Variants in DNAJC24 observed in about 807,000 individuals in gnomAD.
DNAJC24 encodes dnaJ homolog subfamily C member 24.
Under a neutral mutation model 18.0 loss-of-function variants are expected in DNAJC24, and 17 were observed. The observed-to-expected ratio is 0.94, with a 90% confidence interval of 0.65 to 1.42. The LOEUF is 1.42. DNAJC24 is among the 40% of genes most tolerant of loss of function. The pLI is 0.00. For missense variants in DNAJC24, 158 were observed against 175.6 expected, an observed-to-expected ratio of 0.90 and a Z score of 0.57; for synonymous variants, 55 against 57.7, an observed-to-expected ratio of 0.95 and a Z score of 0.21.
At chr11:31,406,637 A>G (rs11031375) in intron 2 of DNAJC24, among the ~76,000 whole-genome samples, 11,715 of 152,220 alleles carry the variant, frequency 0.077, 579 homozygotes, top group East Asian at 0.24. Context: ...GCCCTTTAAA[A>G]TTTATGAGCT....
chr11:31,386,207 T>G (rs768893158), intron 2 of DNAJC24, among the ~76,000 whole-genome samples: 3 of 152,022 alleles, frequency 2.0e-5, no homozygotes, highest in Admixed American at 2.0e-4. Context: ...ACACGTGTTA[T>G]GCTGGGCTCA....
intron 4 of DNAJC24, 38 bp from the exon 5 acceptor site, chr11:31,430,233 T>TA (rs781015435): frequency 1.8e-5 from 28 of 1,577,162 alleles, no homozygotes; most frequent in Non-Finnish European, 2.2e-5. Flanking sequence ...GGTAGTTACT[T>TA]ACAAGTCTTT....
At chr11:31,425,314 T>C (rs906266944) in intron 3 of DNAJC24, among the ~76,000 whole-genome samples, 6 of 152,218 alleles carry the variant, frequency 3.9e-5, no homozygotes, top group Non-Finnish European at 2.9e-5. Flanking sequence ...AAATGATTAA[T>C]AGGCTTTTAC....
chr11:31,373,778 G>A (rs1357334714), intron 2 of DNAJC24, among the ~76,000 whole-genome samples: 1 of 134,488 alleles, frequency 7.4e-6, no homozygotes, highest in Non-Finnish European at 1.7e-5. Context: ...TCTCGTCAGT[G>A]TTTTATAATT....
At chr11:31,385,981 G>C (rs1952426434) in intron 2 of DNAJC24, among the ~76,000 whole-genome samples, 1 of 152,180 alleles carries the variant, frequency 6.6e-6, no homozygotes, top group East Asian at 1.9e-4. Flanking sequence ...TGCATCCACA[G>C]TGCTGCTGTG....
chr11:31,423,485 T>C (rs1350315303), intron 3 of DNAJC24, among the ~76,000 whole-genome samples: 1 of 152,160 alleles, frequency 6.6e-6, no homozygotes, highest in Non-Finnish European at 1.5e-5. Context: ...GGTCTCGAAC[T>C]CCTGACCTCA....
Position 31,430,451 on chromosome 11 carries a change from G to GA in DNAJC24, c.*52dup. 2.0e-6 allele frequency: 3 copies of GA among 1,521,016 alleles called. No individual in the cohort carries two copies. Among genetic ancestry groups the GA allele is most frequent in the Non-Finnish European group, 2.7e-6 (3 of 1,123,046 alleles). 94.2% of individuals were successfully genotyped at this position (1,521,016 alleles called of 1,614,324 possible). On this transcript the variant is annotated 3_prime_UTR_variant, in exon 5 of 5. Coordinates refer to ENST00000465995, the MANE Select transcript of DNAJC24 (RefSeq NM_181706.5). ...TAACTGTGGTATTGAGACATGATGA[G>GA]AAGCCGTTGAGCTTTGTCCATTCAA...
At chr11:31,402,146 C>T (rs1420443999) in intron 2 of DNAJC24, among the ~76,000 whole-genome samples, 1 of 152,148 alleles carries the variant, frequency 6.6e-6, no homozygotes, top group Non-Finnish European at 1.5e-5. Context: ...TGTGGTATAG[C>T]CTTTTGCTCC....
chr11:31,372,012 A>G (rs1161670788), intron 2 of DNAJC24, among the ~76,000 whole-genome samples: 1 of 151,588 alleles, frequency 6.6e-6, no homozygotes, highest in Non-Finnish European at 1.5e-5. Context: ...TAGTAGAGAC[A>G]GGGTTTCATC....
intron 4 of DNAJC24, among the ~76,000 whole-genome samples, chr11:31,428,669 A>T (rs1952889464): frequency 6.6e-6 from 1 of 152,196 alleles, no homozygotes; most frequent in Non-Finnish European, 1.5e-5. Flanking sequence ...CTTAAAAGGC[A>T]TATGTGAGTT....
At chr11:31,402,395 G>A (rs114389108) in intron 2 of DNAJC24, among the ~76,000 whole-genome samples, 38 of 152,248 alleles carry the variant, frequency 2.5e-4, no homozygotes, top group African/African-American at 7.2e-4. Flanking sequence ...GGATATCACC[G>A]TACACTATTG....
At chr11:31,382,865 T>C (rs1410226767) in intron 2 of DNAJC24, among the ~76,000 whole-genome samples, 3 of 152,194 alleles carry the variant, frequency 2.0e-5, no homozygotes, top group Admixed American at 6.5e-5. Context: ...AGGTGTCAGA[T>C]GCAAGCCCCA....
At chr11:31,415,240 G>T in intron 3 of DNAJC24, 1 of 229,654 alleles carries the variant, frequency 4.4e-6, no homozygotes, top group Non-Finnish European at 8.4e-6. Context: ...TGCTTTATAT[G>T]TTTAAAAACT....
At chr11:31,370,964 T>A in intron 2 of DNAJC24, 105 bp downstream of exon 2, 1 of 639,748 alleles carries the variant, frequency 1.6e-6, no homozygotes, top group Non-Finnish European at 2.7e-6. Flanking sequence ...GTGGCAGGAA[T>A]CCAGGTATTA....
Position 31,431,853 on chromosome 11 carries a change from T to G in DNAJC24, c.*1452T>G, listed in dbSNP as rs1190049304. 6.6e-6 allele frequency: 1 copy of G among 152,028 alleles called. No homozygotes were observed. The highest frequency in any genetic ancestry group is 1.5e-5 in the Non-Finnish European group (1 of 68,004). 9.4% of individuals were successfully genotyped at this position (152,028 alleles called of 1,614,324 possible). A position where few individuals can be genotyped will look rare whatever the true frequency, so the allele number is the denominator to read the frequency against. On this transcript the variant is annotated 3_prime_UTR_variant, in exon 5 of 5. Transcript: ENST00000465995. ...AAAATAAATAAAAAAAGATATAGTA[T>G]TAATGCCTGTATTTATGAAGACAGG...
At chr11:31,400,461 T>A (rs1952589953) in intron 2 of DNAJC24, among the ~76,000 whole-genome samples, 2 of 152,214 alleles carry the variant, frequency 1.3e-5, no homozygotes, top group Non-Finnish European at 2.9e-5. Context: ...GGTATCACGC[T>A]ACCTGACTTC....
chr11:31,396,145 C>A (rs1005269915), intron 2 of DNAJC24: 6 of 329,398 alleles, frequency 1.8e-5, no homozygotes, highest in Middle Eastern at 4.0e-4. Context: ...TCCTTTTTTG[C>A]CAAATGTAGT....
At chr11:31,403,972 A>G (rs1232987445) in intron 2 of DNAJC24, among the ~76,000 whole-genome samples, 1 of 152,220 alleles carries the variant, frequency 6.6e-6, no homozygotes, top group Non-Finnish European at 1.5e-5. Flanking sequence ...TTTCTTGATT[A>G]TATGTTAAAC....
At chr11:31,390,203 C>G (rs1952476741) in intron 2 of DNAJC24, among the ~76,000 whole-genome samples, 1 of 152,056 alleles carries the variant, frequency 6.6e-6, no homozygotes, top group South Asian at 2.1e-4. Flanking sequence ...GGAGACCCAC[C>G]TGGCCAACAT....
Sources: gnomAD v4.1 joint callset for allele counts (sites outside exome capture counted in the v4.1 genomes callset) on GRCh38, gnomAD v4.1.1 for gene constraint, MANE v1.5 for transcripts, NCBI Gene and HGNC (gene_info 2026-07-23, HGNC 2026-07-21) for gene names.